ANKRD28: variants seen among roughly 807,000 people sequenced by gnomAD.
The protein encoded by ANKRD28 is serine/threonine-protein phosphatase 6 regulatory ankyrin repeat subunit A.
ANKRD28 carries 44 observed loss-of-function variants against 126.5 expected under a neutral mutation model. That is an observed-to-expected ratio of 0.35 (90% CI 0.27 to 0.45). ANKRD28 has a LOEUF of 0.45. Ranked by LOEUF, ANKRD28 falls within the 20% of genes least tolerant of loss-of-function variation. ANKRD28 has a pLI of 1.00. For missense variants in ANKRD28, 1,110 were observed against 1,316.6 expected (o/e 0.84, Z 2.43); for synonymous variants, 442 against 468.5 (o/e 0.94, Z 0.73).
chr3:15,731,772 C>T (rs2074614341), intron 6 of ANKRD28: 1 of 141,898 alleles, frequency 7.0e-6, no homozygotes, highest in South Asian at 2.3e-4. Flanking sequence ...ATCGCTTGAA[C>T]CTGGGAGGCG....
chr3:15,804,200 G>A (rs1329083790), intron 1 of ANKRD28, among the ~76,000 whole-genome samples: 1 of 121,600 alleles, frequency 8.2e-6, no homozygotes, highest in Non-Finnish European at 1.8e-5. Context: ...TGTCATACAC[G>A]TAAAAATCTA....
In ANKRD28 at chr3:15,685,404, T is replaced by C. The variant is rs548976081; in HGVS notation, c.2211A>G (p.Gln737=). The change falls in exon 21 of 28, where the codon CAA becomes CAG. Residue 737 remains glutamine, a synonymous_variant. Transcript: ENST00000683139. ...CCCGAAGTAAGCACTTAGCACCATG[T>C]TGAAGTAATGCATCTACACATTCTT... The part of the protein sequence containing the change: ...GHEECVDALL[Q]HGAKCLLRDS... The C allele has an allele frequency of 3.7e-6, 6 of 1,613,780 alleles. No homozygotes were observed. The highest frequency in any genetic ancestry group is 2.5e-6 in the Non-Finnish European group (3 of 1,179,826).
intron 6 of ANKRD28, among the ~76,000 whole-genome samples, chr3:15,734,282 G>A (rs1420946449): frequency 6.6e-6 from 1 of 152,138 alleles, no homozygotes; most frequent in Admixed American, 6.6e-5. Flanking sequence ...TGAATCTTCT[G>A]TTAATCTTTT....
intron 20 of ANKRD28, 22 bp downstream of exon 20, chr3:15,685,980 G>T: frequency 6.3e-7 from 1 of 1,591,302 alleles, no homozygotes; most frequent in Non-Finnish European, 8.6e-7. Flanking sequence ...TTTTTGAAAG[G>T]AAAGAGCATA....
chr3:15,684,068 T>C (rs147544322), intron 21 of ANKRD28: 3 of 152,294 alleles, frequency 2.0e-5, no homozygotes, highest in East Asian at 1.9e-4. Context: ...TACACTGAAA[T>C]TGAAAACAAA....
intron 8 of ANKRD28, among the ~76,000 whole-genome samples, chr3:15,715,403 C>T (rs1282020661): frequency 6.6e-6 from 1 of 152,210 alleles, no homozygotes; most frequent in African/African-American, 2.4e-5. Context: ...TATGCTAACA[C>T]TGTACAACGC....
chr3:15,839,921 T>G lies in ANKRD28; in HGVS notation c.27+19456A>C, dbSNP rs1441451053. Among the ~76,000 whole-genome samples, 2 of 152,200 alleles carry G rather than the reference T, an allele frequency of 1.3e-5. No homozygotes were observed. Among genetic ancestry groups the G allele is most frequent in the Non-Finnish European group, 2.9e-5 (2 of 68,032 alleles). On this transcript the variant is annotated intron_variant, in intron 1 of 27. Transcript: ENST00000399451. The surrounding 1 kb of genome is among the most constrained non-coding windows in gnomAD (Gnocchi z 4.3). The stretch of plus-strand genomic sequence containing the variant: ...ATACCTCAACATAATGAAAGCCATA[T>G]ACCACAGACACATAGCTAGTATCAC...
chr3:15,737,283 A>G lies in ANKRD28; in HGVS notation c.352-50T>C, dbSNP rs1412790635. ...AGACAAATGAGTTAAGAGTTTGAGA[A>G]ATTATTTCTATATATAGTGTGCGTG... On this transcript the variant is annotated intron_variant, in intron 4 of 27. Transcript: ENST00000683139. 5 of 1,493,792 alleles carry G rather than the reference A, an allele frequency of 3.3e-6. No homozygotes were observed. The East Asian group carries it at 1.2e-4, about 36-fold the overall frequency. 92.5% of individuals were successfully genotyped at this position (1,493,792 alleles called of 1,614,324 possible).
In ANKRD28 at chr3:15,667,758, T is replaced by G. The variant is rs2066056958; in HGVS notation, c.*2512A>C. 1 of 152,216 alleles carries G rather than the reference T, an allele frequency of 6.6e-6. No individual in the cohort carries two copies. Among genetic ancestry groups the G allele is most frequent in the Admixed American group, 6.5e-5 (1 of 15,276 alleles). The allele number at this position is 152,216 out of a possible 1,614,324, so 9.4% of individuals were successfully genotyped here. A position where few individuals can be genotyped will look rare whatever the true frequency, so the allele number is the denominator to read the frequency against. ...TTACAAAAGTAATGAAATAGTTTTC[T>G]TAGTGGGGTGGCATTCGCAAGAACT... On this transcript the variant is annotated 3_prime_UTR_variant, in exon 28 of 28. Transcript: ENST00000683139.
chr3:15,744,411 T>G (rs897426340), intron 4 of ANKRD28, among the ~76,000 whole-genome samples: 1 of 151,870 alleles, frequency 6.6e-6, no homozygotes, highest in Non-Finnish European at 1.5e-5. Context: ...CCTCCCAGGT[T>G]CAAGCGATCC....
At chr3:15,785,651 T>C (rs570501389) in intron 2 of ANKRD28, among the ~76,000 whole-genome samples, 2 of 152,216 alleles carry the variant, frequency 1.3e-5, no homozygotes, top group South Asian at 4.1e-4. Context: ...TGACAGGTTT[T>C]TTAACAAAAC....
intron 1 of ANKRD28, among the ~76,000 whole-genome samples, chr3:15,831,653 C>T (rs527517174): frequency 7.2e-5 from 11 of 151,978 alleles, no homozygotes; most frequent in Middle Eastern, 3.4e-3. Context: ...TTATCTTTTA[C>T]AAAAAAAGGG....
At position 15,709,717 on chromosome 3, in the gene ANKRD28, G is replaced by T; in HGVS notation, c.1357C>A (p.Leu453Ile). The T allele has an allele frequency of 6.3e-7, 1 of 1,575,122 alleles. No homozygotes were observed. ...AAGTCTGCACCAGTATTCAGCAGAA[G>T]GTTTAGGCACTCCAAATTCCTATTG... Reference protein sequence around the residue: ...AAGGNLECLNLLLNTGADFNK... With the variant: ...AAGGNLECLNILLNTGADFNK... Residue 453 changes from leucine to isoleucine, a missense_variant, in exon 13 of 28, where the codon CTT becomes ATT. By Grantham distance (5) the Leu-to-Ile change is conservative. Coordinates refer to ENST00000683139, the MANE Select transcript of ANKRD28 (RefSeq NM_001349278.2).
At chr3:15,832,984 G>A (rs2125940077) in intron 1 of ANKRD28, among the ~76,000 whole-genome samples, 1 of 152,224 alleles carries the variant, frequency 6.6e-6, no homozygotes, top group South Asian at 2.1e-4. Flanking sequence ...ACTATTTTTA[G>A]TTCTTTGAGA....
rs189862132 is a variant in ANKRD28, at chr3:15,793,813, C to T, written c.201+1410G>A. On this transcript the variant is annotated intron_variant, in intron 2 of 27. Transcript: ENST00000683139. ...CGGCACAGTGCCTCACGCCTGTAAT[C>T]CCAGCACTTTGGGAGGCCAAGGCGG... Among the ~76,000 whole-genome samples the T allele has an allele frequency of 2.0e-4, 31 of 152,334 alleles. No individual in the cohort carries two copies. The East Asian group carries it at 2.5e-3, about 12-fold the overall frequency.
chr3:15,777,223 G>A (rs923561539), intron 2 of ANKRD28, among the ~76,000 whole-genome samples: 1 of 147,282 alleles, frequency 6.8e-6, no homozygotes, highest in Non-Finnish European at 1.5e-5. Flanking sequence ...GCAGTGAGCT[G>A]AGATTGCGCC....
rs557570811 is a variant in ANKRD28 at position 15,761,163 on chromosome 3, C to A, written c.280+5071G>T. On this transcript the variant is annotated intron_variant, in intron 3 of 27. Transcript: ENST00000683139. The stretch of plus-strand genomic sequence containing the variant: ...TGACTATTGTATGTTCTTATGAAAA[C>A]ATATGACTTTAATGCAATCTTACAC... 3.9e-5 allele frequency among the ~76,000 whole-genome samples: 6 copies of A among 152,160 alleles called. No homozygotes were observed. The South Asian group carries it at 1.2e-3, about 32-fold the overall frequency.
chr3:15,670,846 A>G (rs2066264509), intron 27 of ANKRD28, among the ~76,000 whole-genome samples: 1 of 152,246 alleles, frequency 6.6e-6, no homozygotes, highest in South Asian at 2.1e-4. Context: ...GAATTCACAG[A>G]AAAAACTGGG....
chr3:15,757,521 A>G (rs947191818), intron 3 of ANKRD28, among the ~76,000 whole-genome samples: 6 of 152,284 alleles, frequency 3.9e-5, no homozygotes, highest in East Asian at 1.9e-4. Flanking sequence ...CCCAACCCCA[A>G]TGTCATGGTA....
Sources: allele counts gnomAD v4.1 joint callset (sites outside exome capture counted in the v4.1 genomes callset), GRCh38; gene constraint gnomAD v4.1.1; non-coding constraint Gnocchi (gnomAD v3.1); transcripts MANE v1.5; gene names NCBI Gene and HGNC (gene_info 2026-07-23, HGNC 2026-07-21).